Variants in PRR16 observed in about 807,000 individuals in gnomAD.
PRR16 encodes the protein proline rich 16.
Under a neutral mutation model 18.2 loss-of-function variants are expected in PRR16, and 6 were observed. The observed-to-expected ratio is 0.33, with a 90% CI of 0.18 to 0.65. PRR16 has a LOEUF of 0.65. Among genes scored for constraint, PRR16 ranks in the 30% least tolerant of loss-of-function variants. The pLI is 0.74. For synonymous variants in PRR16, 151 were observed against 147.8 expected, an observed-to-expected ratio of 1.02 and a Z score of -0.16; for missense variants, 412 against 376.6, an observed-to-expected ratio of 1.09 and a Z score of -0.78.
chr5:120,570,160 A>G (rs1264207504), intron 1 of PRR16, among the ~76,000 whole-genome samples: 1 of 152,122 alleles, frequency 6.6e-6, no homozygotes. Context: ...TAGAAGATAA[A>G]TAAAACCCTT....
intron 1 of PRR16, among the ~76,000 whole-genome samples, chr5:120,519,834 C>G: frequency 6.6e-6 from 1 of 152,038 alleles, no homozygotes; most frequent in Non-Finnish European, 1.5e-5. Flanking sequence ...AAATCCCTAG[C>G]TTCCTAGAGC....
intron 1 of PRR16, among the ~76,000 whole-genome samples, chr5:120,511,646 C>A (rs893822489): frequency 2.0e-5 from 3 of 152,156 alleles, no homozygotes; most frequent in Non-Finnish European, 4.4e-5. Flanking sequence ...TCTAGGGCAA[C>A]TTTCTACTCA....
chr5:120,471,670 T>G (rs183614521), intron 1 of PRR16, among the ~76,000 whole-genome samples: 2 of 152,274 alleles, frequency 1.3e-5, no homozygotes. Context: ...TAAAATTGTT[T>G]GTTTTCTTTT....
At chr5:120,765,123 A>T in the PRR16 span, among the ~76,000 whole-genome samples, 1 of 122,916 alleles carries the variant, frequency 8.1e-6, no homozygotes, top group Non-Finnish European at 1.7e-5. Context: ...ACCATAAAAG[A>T]GAACAAAATT....
chr5:120,785,309 A>G, the PRR16 span, among the ~76,000 whole-genome samples: 5 of 152,132 alleles, frequency 3.3e-5, no homozygotes, highest in Non-Finnish European at 4.4e-5. Flanking sequence ...CTTAGGTCCC[A>G]AATAGGAATC....
At chr5:120,574,734 T>A (rs1753019712) in intron 1 of PRR16, among the ~76,000 whole-genome samples, 1 of 149,214 alleles carries the variant, frequency 6.7e-6, no homozygotes, top group South Asian at 2.1e-4. Context: ...CTAAAATTAT[T>A]AAAAAATAGA....
At chr5:120,506,021 A>T (rs1421486505) in intron 1 of PRR16, among the ~76,000 whole-genome samples, 1 of 150,630 alleles carries the variant, frequency 6.6e-6, no homozygotes, top group Admixed American at 6.6e-5. Flanking sequence ...TTACTTCATC[A>T]TGTTCACTTG....
chr5:120,655,237 A>G (rs1311466069), intron 1 of PRR16, among the ~76,000 whole-genome samples: 5 of 151,762 alleles, frequency 3.3e-5, no homozygotes, highest in Admixed American at 6.6e-5. Context: ...ATGAATGCTT[A>G]TTTTCTCTTG....
intron 1 of PRR16, among the ~76,000 whole-genome samples, chr5:120,574,422 A>C (rs1422491725): frequency 6.6e-6 from 1 of 151,886 alleles, no homozygotes; most frequent in Non-Finnish European, 1.5e-5. Flanking sequence ...TGGCCAACAT[A>C]GCAAAACCCT....
intron 1 of PRR16, among the ~76,000 whole-genome samples, chr5:120,523,504 G>A (rs371085756): frequency 4.2e-4 from 64 of 152,160 alleles, no homozygotes; most frequent in Non-Finnish European, 7.9e-4. Context: ...TAATGTCCAT[G>A]TCAATGAATA....
chr5:120,467,673 T>A (rs1443281057), intron 1 of PRR16, among the ~76,000 whole-genome samples: 1 of 152,134 alleles, frequency 6.6e-6, no homozygotes, highest in Non-Finnish European at 1.5e-5. Flanking sequence ...ATTTTGGGTA[T>A]CTGTTTTATG....
intron 1 of PRR16, among the ~76,000 whole-genome samples, chr5:120,506,077 G>C (rs968154644): frequency 7.9e-5 from 12 of 151,500 alleles, no homozygotes; most frequent in African/African-American, 2.9e-4. Flanking sequence ...CTTGCCTTCA[G>C]AACTTAAAAG....
rs1229205322 is a variant in PRR16, at chr5:120,686,518, G to A, written c.724G>A (p.Gly242Arg). 5.0e-6 allele frequency: 8 copies of A among 1,613,512 alleles called. No homozygotes were observed. The South Asian group carries it at 5.5e-5, about 11-fold the overall frequency. The stretch of plus-strand genomic sequence containing the variant: ...ACACAGTGAACCTGTCCACCCACCG[G>A]GAAAGATTCCTCACCAAGGCCCTCC... ...HLHSEPVHPP[G>R]KIPHQGPPLP... Residue 242 changes from glycine to arginine, a missense_variant, in exon 2 of 2, where the codon GGA (glycine) becomes AGA (arginine). Transcript: ENST00000407149.
the PRR16 span, among the ~76,000 whole-genome samples, chr5:120,740,300 T>C: frequency 2.0e-5 from 3 of 152,176 alleles, no homozygotes; most frequent in Admixed American, 6.5e-5. Context: ...ATGTTTTCTG[T>C]TTGGAATTCA....
intron 1 of PRR16, among the ~76,000 whole-genome samples, chr5:120,501,979 A>AAAG (rs1561519876): frequency 6.7e-6 from 1 of 149,930 alleles, no homozygotes; most frequent in Non-Finnish European, 1.5e-5. Flanking sequence ...AAAAAAAAAA[A>AAAG]AAAGAAAGAA....
the PRR16 span, among the ~76,000 whole-genome samples, chr5:120,753,939 A>AAT: frequency 4.1e-3 from 33 of 8,136 alleles, no homozygotes; most frequent in East Asian, 0.071. Flanking sequence ...TATTATATAT[A>AAT]ATATATGTTA....
chr5:120,553,716 T>G (rs1429949482), intron 1 of PRR16, among the ~76,000 whole-genome samples: 1 of 151,878 alleles, frequency 6.6e-6, no homozygotes, highest in Non-Finnish European at 1.5e-5. Context: ...GCAATTCTGA[T>G]TGTGTGTTGA....
At chr5:120,770,646 G>A in the PRR16 span, among the ~76,000 whole-genome samples, 8 of 152,026 alleles carry the variant, frequency 5.3e-5, no homozygotes, top group East Asian at 1.5e-3. Context: ...TCTAAAGAAT[G>A]AGAGAAAATA....
At chr5:120,699,467 C>T in the PRR16 span, among the ~76,000 whole-genome samples, 1 of 151,872 alleles carries the variant, frequency 6.6e-6, no homozygotes, top group African/African-American at 2.4e-5. Flanking sequence ...ATGTGGGAGG[C>T]CGGATTCAAG....
Sources: allele counts gnomAD v4.1 joint callset (sites outside exome capture counted in the v4.1 genomes callset), GRCh38; gene constraint gnomAD v4.1.1; transcripts MANE v1.5; gene names NCBI Gene and HGNC (gene_info 2026-07-23, HGNC 2026-07-21).